The following PEAK1 variants were observed in gnomAD, a reference collection of about 807,000 sequenced individuals.
The protein encoded by PEAK1 is inactive tyrosine-protein kinase PEAK1.
Under a neutral mutation model 124.7 loss-of-function variants are expected in PEAK1, and 54 were observed. The observed-to-expected ratio is 0.43, with a 90% CI of 0.35 to 0.54. The LOEUF is 0.54. PEAK1 is among the 20% of genes least tolerant of loss of function. The pLI is 0.01. For synonymous variants in PEAK1, 719 were observed against 760.0 expected (o/e 0.95, Z 0.89); for missense variants, 2,046 against 2,134.5 (o/e 0.96, Z 0.82).
intron 5 of PEAK1, among the ~76,000 whole-genome samples, chr15:77,265,442 G>A (rs1212550474): frequency 1.4e-4 from 21 of 152,212 alleles, no homozygotes; most frequent in Admixed American, 2.6e-4. Context: ...AAAAGTGGGC[G>A]AAGGACATGA....
chr15:77,242,298 G>A (rs1205709076), intron 6 of PEAK1, among the ~76,000 whole-genome samples: 3 of 151,982 alleles, frequency 2.0e-5, no homozygotes, highest in African/African-American at 7.2e-5. Context: ...TTGTTAAAAT[G>A]CCCTCTAGAA....
At chr15:77,321,912 A>C (rs1377520216) in intron 2 of PEAK1, among the ~76,000 whole-genome samples, 3 of 152,190 alleles carry the variant, frequency 2.0e-5, no homozygotes, top group Admixed American at 2.0e-4. Flanking sequence ...AAAAGAACAG[A>C]AATTATAACA....
At chr15:77,116,705 T>A (rs200930898) in intron 9 of PEAK1, among the ~76,000 whole-genome samples, 708 of 9,522 alleles carry the variant, frequency 0.074, 3 homozygotes, top group Middle Eastern at 0.25. Context: ...TCAATCAATC[T>A]ATCTATCTAT....
At chr15:77,178,671 G>T in intron 7 of PEAK1, 119 bp downstream of exon 7, 1 of 934,694 alleles carries the variant, frequency 1.1e-6, no homozygotes, top group Non-Finnish European at 1.6e-6. Context: ...ATAGATGATG[G>T]CCACAGAGTG....
intron 6 of PEAK1, among the ~76,000 whole-genome samples, chr15:77,248,901 C>T (rs1162673097): frequency 3.9e-5 from 6 of 152,078 alleles, no homozygotes; most frequent in South Asian, 4.1e-4. Flanking sequence ...CTCGGCTCAC[C>T]GCAGCCTCTG....
chr15:77,118,620 G>T (rs1344206129), intron 9 of PEAK1, among the ~76,000 whole-genome samples: 1 of 152,090 alleles, frequency 6.6e-6, no homozygotes, highest in African/African-American at 2.4e-5. Context: ...TTCTTGAAAA[G>T]AATTCACATT....
upstream of PEAK1, chr15:77,420,129 C>A: frequency 6.6e-6 from 1 of 150,890 alleles, no homozygotes; most frequent in South Asian, 1.8e-4. Context: ...AACTACTCGC[C>A]GCGGCCGAGT....
intron 1 of PEAK1, chr15:77,402,168 G>GAA (rs34571341): frequency 0.091 from 71,653 of 789,418 alleles, 21 homozygotes; most frequent in South Asian, 0.15. Flanking sequence ...CTCCACCTCG[G>GAA]AAAAAAAAAA....
intron 2 of PEAK1, among the ~76,000 whole-genome samples, chr15:77,297,482 G>A (rs2063543859): frequency 6.6e-6 from 1 of 151,596 alleles, no homozygotes; most frequent in Non-Finnish European, 1.5e-5. Flanking sequence ...CAATAGTACT[G>A]GTCAAGCAGA....
At chr15:77,382,975 T>C (rs1455804562) in intron 1 of PEAK1, among the ~76,000 whole-genome samples, 2 of 151,918 alleles carry the variant, frequency 1.3e-5, no homozygotes, top group African/African-American at 4.8e-5. Context: ...TACATCAGCT[T>C]CTGAATCATC....
At chr15:77,222,175 C>T (rs990986529) in intron 6 of PEAK1, among the ~76,000 whole-genome samples, 3 of 151,900 alleles carry the variant, frequency 2.0e-5, no homozygotes, top group Non-Finnish European at 4.4e-5. Flanking sequence ...TTTTTTAAAA[C>T]ATGAAGTAGA....
chr15:77,374,951 T>C (rs1248501835), intron 1 of PEAK1, among the ~76,000 whole-genome samples: 1 of 152,156 alleles, frequency 6.6e-6, no homozygotes, highest in Non-Finnish European at 1.5e-5. Flanking sequence ...TTCTGATTTT[T>C]TGGTATTTGT....
At chr15:77,117,444 A>C (rs1365651077) in intron 9 of PEAK1, among the ~76,000 whole-genome samples, 3 of 152,256 alleles carry the variant, frequency 2.0e-5, no homozygotes, top group African/African-American at 7.2e-5. Context: ...AAAGTTGTAC[A>C]AATGCAACAC....
At chr15:77,147,681 G>C (rs2054269552) in intron 8 of PEAK1, among the ~76,000 whole-genome samples, 1 of 152,164 alleles carries the variant, frequency 6.6e-6, no homozygotes, top group Admixed American at 6.5e-5. Context: ...AGGTGTTACA[G>C]ATCAGAGTTC....
intron 1 of PEAK1, among the ~76,000 whole-genome samples, chr15:77,385,592 A>G (rs1391084946): frequency 1.3e-5 from 2 of 152,198 alleles, no homozygotes; most frequent in Non-Finnish European, 2.9e-5. Flanking sequence ...CCCAGCCCAG[A>G]TACTTCGAGA....
intron 6 of PEAK1, among the ~76,000 whole-genome samples, chr15:77,183,941 C>T (rs1352862787): frequency 1.3e-5 from 2 of 152,106 alleles, no homozygotes; most frequent in African/African-American, 4.8e-5. Context: ...AAGCCTCTCA[C>T]CTCAGCCTCT....
At chr15:77,143,157 T>C (rs150009105) in intron 8 of PEAK1, among the ~76,000 whole-genome samples, 2 of 152,284 alleles carry the variant, frequency 1.3e-5, no homozygotes, top group East Asian at 3.9e-4. Flanking sequence ...CCCAGCCCTA[T>C]TTTCTCTTGG....
intron 1 of PEAK1, among the ~76,000 whole-genome samples, chr15:77,382,515 A>G (rs910112318): frequency 6.6e-6 from 1 of 151,974 alleles, no homozygotes; most frequent in Non-Finnish European, 1.5e-5. Flanking sequence ...GGGCCCTTCA[A>G]TACACCCCTC....
intron 2 of PEAK1, among the ~76,000 whole-genome samples, chr15:77,342,170 AAAAC>A (rs2066580897): frequency 6.6e-6 from 1 of 150,514 alleles, no homozygotes; most frequent in Non-Finnish European, 1.5e-5. Flanking sequence ...AAAAAAAAAA[AAAAC>A]ACACACACAA....
Sources: allele counts gnomAD v4.1 joint callset (sites outside exome capture counted in the v4.1 genomes callset), GRCh38; gene constraint gnomAD v4.1.1; transcripts MANE v1.5; gene names NCBI Gene and HGNC (gene_info 2026-07-23, HGNC 2026-07-21).